FBXO34: variants seen among roughly 807,000 people sequenced by gnomAD.
FBXO34 encodes F-box protein 34.
In FBXO34, 12 loss-of-function variants were observed where a neutral mutation model predicts 24.5. That is an observed-to-expected ratio of 0.49 (90% CI 0.31 to 0.79). The LOEUF is 0.79. Among genes scored for constraint, FBXO34 ranks in the 30% least tolerant of loss-of-function variants. FBXO34 has a pLI of 0.04. For synonymous variants in FBXO34, 320 were observed against 311.9 expected, an observed-to-expected ratio of 1.03 and a Z score of -0.27; for missense variants, 823 against 857.7, an observed-to-expected ratio of 0.96 and a Z score of 0.51.
the FBXO34 span, among the ~76,000 whole-genome samples, chr14:55,384,944 A>G: frequency 1.3e-5 from 2 of 151,744 alleles, no homozygotes; most frequent in Non-Finnish European, 2.9e-5. Context: ...TGGAACCTCT[A>G]TTTCTCAGAT....
At position 55,299,100 on chromosome 14, in the gene FBXO34, A is replaced by G. The variant is rs187736018; in HGVS notation, c.-11+27563A>G. ...AGAAAAGTCTGACGAGGATGAGCTC[A>G]TGGCGGAATTAGAAGAACTAGAACA... On this transcript the variant is annotated intron_variant, in intron 1 of 1. Coordinates refer to ENST00000313833, the MANE Select transcript of FBXO34 (RefSeq NM_017943.4). The G allele has an allele frequency of 4.0e-5, 55 of 1,382,592 alleles. No homozygotes were observed. The African/African-American group carries it at 6.0e-4, about 15-fold the overall frequency. 85.6% of individuals were successfully genotyped at this position (1,382,592 alleles called of 1,614,324 possible).
chr14:55,344,738 A>C (rs1465850090), intron 1 of FBXO34, among the ~76,000 whole-genome samples: 1 of 151,496 alleles, frequency 6.6e-6, no homozygotes, highest in Non-Finnish European at 1.5e-5. Context: ...CCACCCACCA[A>C]CATCCCCAGT....
At chr14:55,321,515 G>A (rs1488674623) in intron 1 of FBXO34, among the ~76,000 whole-genome samples, 5 of 151,862 alleles carry the variant, frequency 3.3e-5, no homozygotes, top group Non-Finnish European at 7.4e-5. Context: ...TCCCACCTCA[G>A]CCTCCTGAGT....
At chr14:55,272,189 A>G (rs7146752) in intron 1 of FBXO34, 85,158 of 152,246 alleles carry the variant, frequency 0.56, 26,815 homozygotes, top group African/African-American at 0.87. Context: ...ACCTGGGCTC[A>G]CGGAAGGGCC....
chr14:55,333,536 TATAA>T (rs1212708686), intron 1 of FBXO34, among the ~76,000 whole-genome samples: 1 of 152,222 alleles, frequency 6.6e-6, no homozygotes, highest in East Asian at 1.9e-4. Flanking sequence ...CTTAAAAATA[TATAA>T]AAACTGTTAC....
At position 55,353,339 on chromosome 14, in the gene FBXO34, C is replaced by CA. The variant is rs1321860663; in HGVS notation, c.*816dup. The CA allele has an allele frequency of 6.0e-6, 1 of 166,558 alleles. No homozygotes were observed. The highest frequency in any genetic ancestry group is 1.5e-5 in the Non-Finnish European group (1 of 68,074). 10.3% of individuals were successfully genotyped at this position (166,558 alleles called of 1,614,324 possible). ...TCTTGTATAAAATATGAATGTTTCC[C>CA]AAATAAACTATGAATGTTTCCTGTA... On this transcript the variant is annotated 3_prime_UTR_variant, in exon 2 of 2. Coordinates refer to ENST00000313833, the MANE Select transcript of FBXO34 (RefSeq NM_017943.4).
Position 55,329,636 on chromosome 14 carries a change from G to T in FBXO34, c.-10-20745G>T, listed in dbSNP as rs117949841. On this transcript the variant is annotated intron_variant, in intron 1 of 1. Transcript: ENST00000313833. ...GATTTGCAGGAATTGGGTAGAAATG[G>T]TGGAATAGGATTAAAATATCTGTGG... Among the ~76,000 whole-genome samples the T allele has an allele frequency of 5.0e-3, 756 of 152,260 alleles. 8 individuals carry two copies. Among genetic ancestry groups the T allele is most frequent in the Non-Finnish European group, 7.1e-3 (484 of 68,006 alleles).
chr14:55,320,035 G>A (rs953718738), intron 1 of FBXO34, among the ~76,000 whole-genome samples: 2 of 152,024 alleles, frequency 1.3e-5, no homozygotes, highest in African/African-American at 2.4e-5. Context: ...ACCTTGAAAG[G>A]CATATTTAAC....
intron 1 of FBXO34, among the ~76,000 whole-genome samples, chr14:55,323,034 G>A (rs28505612): frequency 0.12 from 7,183 of 62,042 alleles, 338 homozygotes; most frequent in Non-Finnish European, 0.14. Context: ...AAAAAAAAAA[G>A]CAAAAACGGG....
intron 1 of FBXO34, chr14:55,298,544 T>G (rs1882220527): frequency 9.6e-6 from 6 of 627,890 alleles, no homozygotes; most frequent in African/African-American, 9.2e-5. Context: ...CTACTTCTTG[T>G]CCTCATCTTT....
At chr14:55,278,984 C>T (rs1456489002) in intron 1 of FBXO34, among the ~76,000 whole-genome samples, 1 of 152,092 alleles carries the variant, frequency 6.6e-6, no homozygotes, top group African/African-American at 2.4e-5. Flanking sequence ...ACCATGCCCA[C>T]CCTGTTTCTT....
chr14:55,426,343 A>C, the FBXO34 span, among the ~76,000 whole-genome samples: 3 of 152,172 alleles, frequency 2.0e-5, no homozygotes, highest in African/African-American at 2.4e-5. Flanking sequence ...TATGTCATAG[A>C]AAGATTACCA....
At chr14:55,326,069 C>T (rs1468301163) in intron 1 of FBXO34, 1 of 152,196 alleles carries the variant, frequency 6.6e-6, no homozygotes, top group African/African-American at 2.4e-5. Flanking sequence ...CACTTGACAG[C>T]ATGGCCTATT....
chr14:55,423,367 A>T, the FBXO34 span, among the ~76,000 whole-genome samples: 11,213 of 152,344 alleles, frequency 0.074, 422 homozygotes, highest in Non-Finnish European at 0.085. Context: ...AACAAAATGG[A>T]CATAGCCTTA....
chr14:55,402,444 G>A, the FBXO34 span, among the ~76,000 whole-genome samples: 1 of 152,144 alleles, frequency 6.6e-6, no homozygotes, highest in African/African-American at 2.4e-5. Context: ...GAAAATAACA[G>A]AGATGAGGAA....
intron 1 of FBXO34, among the ~76,000 whole-genome samples, chr14:55,321,361 G>T (rs1010853909): frequency 6.6e-6 from 1 of 151,704 alleles, no homozygotes; most frequent in Non-Finnish European, 1.5e-5. Context: ...TTGCATTGTT[G>T]CCCAAAGTAG....
chr14:55,330,571 C>T (rs1373395303), intron 1 of FBXO34, among the ~76,000 whole-genome samples: 1 of 151,772 alleles, frequency 6.6e-6, no homozygotes, highest in Non-Finnish European at 1.5e-5. Flanking sequence ...ATTGCTTGAG[C>T]CCAGGAGTTC....
chr14:55,298,626 A>AGGCTGGCGCGGCGAGCGCTGTTCGG, intron 1 of FBXO34: 2 of 1,304,072 alleles, frequency 1.5e-6, no homozygotes, highest in Non-Finnish European at 2.1e-6. Context: ...CGGGCGTTGA[A>AGGCTGGCGCGGCGAGCGCTGTTCGG]GGCTGGCGCG....
At chr14:55,317,684 T>C (rs1436760282) in intron 1 of FBXO34, among the ~76,000 whole-genome samples, 1 of 152,222 alleles carries the variant, frequency 6.6e-6, no homozygotes, top group African/African-American at 2.4e-5. Context: ...CATGGTAAGA[T>C]ATTTATACCG....
Sources: allele counts gnomAD v4.1 joint callset (sites outside exome capture counted in the v4.1 genomes callset), GRCh38; gene constraint gnomAD v4.1.1; transcripts MANE v1.5; gene names NCBI Gene and HGNC (gene_info 2026-07-23, HGNC 2026-07-21).